Variants in SESTD1 observed in about 807,000 individuals in gnomAD.
SESTD1 encodes SEC14 and spectrin domain containing 1, also known as SEC14 domain and spectrin repeat-containing protein 1.
In SESTD1, 43 loss-of-function variants were observed where a neutral mutation model predicts 101.7. The observed-to-expected ratio is 0.42, with a 90% confidence interval of 0.33 to 0.55. The LOEUF (loss-of-function observed/expected upper bound fraction) is 0.55. Among genes scored for constraint, SESTD1 ranks in the 20% least tolerant of loss-of-function variants. SESTD1 has a pLI of 0.07. For synonymous variants in SESTD1, 283 were observed against 286.8 expected, an observed-to-expected ratio of 0.99 and a Z score of 0.13; for missense variants, 647 against 815.1, an observed-to-expected ratio of 0.79 and a Z score of 2.51.
chr2:179,135,090 G>A (rs1011888475), intron 9 of SESTD1, among the ~76,000 whole-genome samples: 1 of 151,810 alleles, frequency 6.6e-6, no homozygotes, highest in African/African-American at 2.4e-5. Context: ...GATTACAGGC[G>A]CCCGCCACCA....
At chr2:179,195,252 T>C (rs2046372991) in intron 1 of SESTD1, among the ~76,000 whole-genome samples, 1 of 152,232 alleles carries the variant, frequency 6.6e-6, no homozygotes, top group Admixed American at 6.5e-5. Flanking sequence ...GATTAGATCA[T>C]GGGGGTGGTT....
At chr2:179,225,731 T>C (rs781144097) in intron 1 of SESTD1, among the ~76,000 whole-genome samples, 6 of 152,174 alleles carry the variant, frequency 3.9e-5, no homozygotes, top group Non-Finnish European at 8.8e-5. Context: ...TGTGTCTTCA[T>C]GTGACAGAAA....
intron 1 of SESTD1, among the ~76,000 whole-genome samples, chr2:179,241,596 T>C (rs1574061333): frequency 6.7e-6 from 1 of 149,610 alleles, no homozygotes; most frequent in African/African-American, 2.5e-5. Context: ...TCAACACCAG[T>C]CTTGGCAATA....
At chr2:179,157,685 T>G in intron 5 of SESTD1, among the ~76,000 whole-genome samples, 1 of 152,170 alleles carries the variant, frequency 6.6e-6, no homozygotes, top group Non-Finnish European at 1.5e-5. Flanking sequence ...AGATGTCCCT[T>G]ATATTAAACT....
At chr2:179,123,878 A>G in intron 11 of SESTD1, 49 bp from the exon 12 acceptor site, 1 of 1,363,966 alleles carries the variant, frequency 7.3e-7, no homozygotes, top group Non-Finnish European at 1.0e-6. Flanking sequence ...ATCAGCATCT[A>G]AAGTGTTTAA....
At chr2:179,140,382 A>C (rs1378084309) in intron 9 of SESTD1, among the ~76,000 whole-genome samples, 1 of 152,106 alleles carries the variant, frequency 6.6e-6, no homozygotes, top group African/African-American at 2.4e-5. Flanking sequence ...TAAGGAGAGG[A>C]AATCTGGACA....
At chr2:179,260,598 A>C (rs2047469517) in intron 1 of SESTD1, among the ~76,000 whole-genome samples, 2 of 152,180 alleles carry the variant, frequency 1.3e-5, no homozygotes, top group South Asian at 2.1e-4. Flanking sequence ...TAAACGTTTA[A>C]AGGGCAGATA....
chr2:179,229,183 T>C (rs922919342), intron 1 of SESTD1, among the ~76,000 whole-genome samples: 4 of 152,228 alleles, frequency 2.6e-5, no homozygotes, highest in African/African-American at 9.7e-5. Flanking sequence ...TGTCTGGTTA[T>C]GTCCATTACA....
intron 3 of SESTD1, among the ~76,000 whole-genome samples, chr2:179,176,760 T>C (rs1481093237): frequency 6.6e-6 from 1 of 152,190 alleles, no homozygotes; most frequent in Non-Finnish European, 1.5e-5. Context: ...TACAAACTAA[T>C]GTGGCAAGAA....
In SESTD1 at chr2:179,108,908, A is replaced by C. The variant is rs1270861753; in HGVS notation, c.*991T>G. On this transcript the variant is annotated 3_prime_UTR_variant, in exon 18 of 18. Transcript: ENST00000428443. ...CTATAATGAGAAACTAAATTTTATT[A>C]ACAATTGCTATTTTAGTTCCTGAAA... 1 of 152,118 alleles carries C rather than the reference A, an allele frequency of 6.6e-6. No homozygotes were observed. Among genetic ancestry groups the C allele is most frequent in the Non-Finnish European group, 1.5e-5 (1 of 67,996 alleles). The allele number at this position is 152,118 out of a possible 1,614,324, so 9.4% of individuals were successfully genotyped here.
At chr2:179,194,798 AC>A (rs1233874070) in intron 1 of SESTD1, among the ~76,000 whole-genome samples, 2 of 152,202 alleles carry the variant, frequency 1.3e-5, no homozygotes, top group Non-Finnish European at 2.9e-5. Flanking sequence ...CCTATTTTAT[AC>A]CAAGCTGGCT....
chr2:179,120,422 A>G (rs769671948), intron 13 of SESTD1, among the ~76,000 whole-genome samples: 1 of 152,160 alleles, frequency 6.6e-6, no homozygotes, highest in Non-Finnish European at 1.5e-5. Context: ...AAAGAAAGTA[A>G]TTCAAGTAGT....
intron 1 of SESTD1, among the ~76,000 whole-genome samples, chr2:179,218,875 C>T (rs769545749): frequency 6.6e-6 from 1 of 152,140 alleles, no homozygotes; most frequent in East Asian, 1.9e-4. Flanking sequence ...TGACAGAAGT[C>T]CAGGCAGTGG....
intron 1 of SESTD1, among the ~76,000 whole-genome samples, chr2:179,238,857 T>C (rs2047107398): frequency 6.6e-6 from 1 of 152,180 alleles, no homozygotes; most frequent in African/African-American, 2.4e-5. Flanking sequence ...TCTTTTCTCC[T>C]TCTTTTCTTC....
intron 5 of SESTD1, among the ~76,000 whole-genome samples, chr2:179,169,268 C>T (rs1469700654): frequency 2.0e-5 from 3 of 151,926 alleles, no homozygotes; most frequent in Admixed American, 1.3e-4. Flanking sequence ...AACACACTAA[C>T]ACTAATCAAC....
At chr2:179,155,678 T>C (rs906548965) in intron 5 of SESTD1, among the ~76,000 whole-genome samples, 2 of 152,100 alleles carry the variant, frequency 1.3e-5, no homozygotes, top group South Asian at 4.1e-4. Context: ...TTTAACGTAA[T>C]ATTCTATTTA....
rs193060748 is a variant in SESTD1 at position 179,212,223 on chromosome 2, G to A, written c.-25-20357C>T. Among the ~76,000 whole-genome samples, 23 of 134,362 alleles carry A rather than the reference G, an allele frequency of 1.7e-4. 5 individuals are homozygous for A. Among genetic ancestry groups the A allele is most frequent in the Admixed American group, 5.8e-4 (8 of 13,834 alleles). The allele number at this position is 134,362 out of a possible 152,430, so 88.1% of individuals were successfully genotyped here. A position where few individuals can be genotyped will look rare whatever the true frequency, so the allele number is the denominator to read the frequency against. On this transcript the variant is annotated intron_variant, in intron 1 of 17. Transcript: ENST00000428443. ...CTTCACCTAGGAAGCGCAAGGGGCCGGGGGATTTTCCTTTCCTAGCCAAGG... is the reference window on the plus strand; with the variant it reads ...CTTCACCTAGGAAGCGCAAGGGGCCAGGGGATTTTCCTTTCCTAGCCAAGG...
chr2:179,181,337 T>C (rs1260127217), intron 3 of SESTD1, among the ~76,000 whole-genome samples: 1 of 152,144 alleles, frequency 6.6e-6, no homozygotes, highest in Non-Finnish European at 1.5e-5. Flanking sequence ...ATGCATTTTC[T>C]TAAAACAAAC....
chr2:179,182,974 G>T (rs946745819), intron 3 of SESTD1, 106 bp downstream of exon 3: 3 of 649,604 alleles, frequency 4.6e-6, no homozygotes, highest in South Asian at 3.4e-5. Flanking sequence ...ATTTCACTGC[G>T]AATAAAAGCA....
Sources: gnomAD v4.1 joint callset for allele counts (sites outside exome capture counted in the v4.1 genomes callset) on GRCh38, gnomAD v4.1.1 for gene constraint, MANE v1.5 for transcripts, NCBI Gene and HGNC (gene_info 2026-07-23, HGNC 2026-07-21) for gene names.